The following VAV3 variants were observed in gnomAD, a reference collection of about 807,000 sequenced individuals.
VAV3 encodes the protein vav guanine nucleotide exchange factor 3.
Under a neutral mutation model 131.2 loss-of-function variants are expected in VAV3, and 94 were observed. The ratio of observed to expected loss-of-function variants is 0.72; its 90% CI spans 0.61 to 0.85. The LOEUF (loss-of-function observed/expected upper bound fraction) is 0.85. VAV3 is among the 40% of genes least tolerant of loss of function. The pLI is 0.00. For synonymous variants in VAV3, 349 were observed against 342.0 expected, an observed-to-expected ratio of 1.02 and a Z score of -0.22; for missense variants, 939 against 1,002.7, an observed-to-expected ratio of 0.94 and a Z score of 0.86.
At chr1:107,731,136 TA>T (rs1284088540) in intron 15 of VAV3, among the ~76,000 whole-genome samples, 1 of 152,194 alleles carries the variant, frequency 6.6e-6, no homozygotes, top group Non-Finnish European at 1.5e-5. Flanking sequence ...ATTAAAGTAT[TA>T]AAATCTGAAG....
intron 2 of VAV3, among the ~76,000 whole-genome samples, chr1:107,870,378 T>C (rs944382329): frequency 6.6e-5 from 10 of 152,202 alleles, no homozygotes; most frequent in African/African-American, 2.2e-4. Flanking sequence ...TGCATTTCCC[T>C]GATCATTAGT....
intron 17 of VAV3, among the ~76,000 whole-genome samples, chr1:107,704,284 T>C (rs993729570): frequency 2.6e-5 from 4 of 152,170 alleles, no homozygotes; most frequent in African/African-American, 9.7e-5. Context: ...AAGAAATGAG[T>C]GACATGAAAC....
Position 107,704,623 on chromosome 1 carries a change from A to G in VAV3, c.1632T>C (p.Cys544=). 1 of 1,613,864 alleles carries G rather than the reference A, an allele frequency of 6.2e-7. No individual in the cohort carries two copies. The highest frequency in any genetic ancestry group is 1.6e-4 in the Middle Eastern group (1 of 6,062). ...LRGTFYQGYL[C]FKCGARAHKE... ...TGTGTGCTCTCGCTCCACACTTAAA[A>G]CATAAATAGCCTTGATAAAATGTTC... Residue 544 remains cysteine (C), a synonymous_variant, in exon 17 of 27, where the codon TGT becomes TGC. Transcript: ENST00000370056.
intron 20 of VAV3, among the ~76,000 whole-genome samples, chr1:107,629,257 A>G (rs1256495948): frequency 6.6e-6 from 1 of 152,220 alleles, no homozygotes; most frequent in Non-Finnish European, 1.5e-5. Flanking sequence ...GAAACCATAG[A>G]TGACATGGCT....
At chr1:107,634,125 A>G (rs908175048) in intron 20 of VAV3, among the ~76,000 whole-genome samples, 10 of 152,170 alleles carry the variant, frequency 6.6e-5, no homozygotes. Flanking sequence ...AAACTACTTT[A>G]AAGCTCATAT....
At chr1:107,636,284 A>C (rs1207786080) in intron 20 of VAV3, among the ~76,000 whole-genome samples, 1 of 152,134 alleles carries the variant, frequency 6.6e-6, no homozygotes, top group Non-Finnish European at 1.5e-5. Context: ...TAGAATAGAA[A>C]CTCCACAGTG....
At chr1:107,866,443 C>G (rs1043862755) in intron 2 of VAV3, among the ~76,000 whole-genome samples, 3 of 151,984 alleles carry the variant, frequency 2.0e-5, no homozygotes, top group East Asian at 1.9e-4. Context: ...AAACTGATGG[C>G]AAGAAAACAC....
At chr1:107,785,665 T>C (rs1455667433) in intron 2 of VAV3, 32 of 1,112,052 alleles carry the variant, frequency 2.9e-5, no homozygotes, top group Non-Finnish European at 1.4e-5. Context: ...GGAGAAAAAC[T>C]TGGGCCCCAG....
At chr1:107,680,385 C>A (rs1450760877) in intron 19 of VAV3, among the ~76,000 whole-genome samples, 1 of 152,064 alleles carries the variant, frequency 6.6e-6, no homozygotes, top group African/African-American at 2.4e-5. Flanking sequence ...ACATAAAATT[C>A]AGGGTCTATT....
chr1:107,690,892 T>G (rs1226372874), intron 17 of VAV3, among the ~76,000 whole-genome samples: 1 of 152,186 alleles, frequency 6.6e-6, no homozygotes. Context: ...TAGAGCTGTT[T>G]GCACTCTGAT....
At chr1:107,905,730 A>T (rs948977020) in intron 1 of VAV3, among the ~76,000 whole-genome samples, 7 of 152,246 alleles carry the variant, frequency 4.6e-5, no homozygotes, top group Non-Finnish European at 1.0e-4. Flanking sequence ...CATTTCAGAT[A>T]ATTAAGTTTT....
chr1:107,606,681 C>T lies in VAV3; in HGVS notation c.2015+3250G>A, dbSNP rs569567900. On this transcript the variant is annotated intron_variant, in intron 22 of 26. Coordinates refer to ENST00000370056, the MANE Select transcript of VAV3 (RefSeq NM_006113.5). Reference sequence around the variant, plus strand: ...TATAATATTTAACTTATAAGAGCTCCTTTTTATTTTGACTGTTTTCTAAAA... The same window carrying T: ...TATAATATTTAACTTATAAGAGCTCTTTTTTATTTTGACTGTTTTCTAAAA... Among the ~76,000 whole-genome samples, 39 of 151,856 alleles carry T rather than the reference C, an allele frequency of 2.6e-4. 1 individual carries two copies. In the South Asian group the frequency reaches 8.1e-3, roughly 32 times the overall value.
rs572795705 is a variant in VAV3, at chr1:107,571,372, T to C, written c.*1959A>G. On this transcript the variant is annotated 3_prime_UTR_variant, in exon 27 of 27. Transcript: ENST00000370056. ...GTATTAAACGTGGACAAAGATGTAA[T>C]TGGTAATGTCACAAAAAGGGGCTCC... 1.3e-5 allele frequency: 2 copies of C among 152,730 alleles called. No homozygotes were observed. Among genetic ancestry groups the C allele is most frequent in the South Asian group, 2.1e-4 (1 of 4,822 alleles). 9.5% of individuals were successfully genotyped at this position (152,730 alleles called of 1,614,324 possible). A position where few individuals can be genotyped will look rare whatever the true frequency, so the allele number is the denominator to read the frequency against.
chr1:107,775,570 T>A (rs1570936240), intron 4 of VAV3, among the ~76,000 whole-genome samples: 1 of 79,884 alleles, frequency 1.3e-5, no homozygotes. Flanking sequence ...AGAGCAAGAC[T>A]CAGTCACAAA....
At chr1:107,960,632 TCTTTCCCACA>T (rs1349100868) in intron 1 of VAV3, among the ~76,000 whole-genome samples, 3 of 152,122 alleles carry the variant, frequency 2.0e-5, no homozygotes, top group Non-Finnish European at 2.9e-5. Context: ...CGTTTCCCAC[TCTTTCCCACA>T]CTCACTCTCC....
intron 2 of VAV3, among the ~76,000 whole-genome samples, chr1:107,834,730 T>C (rs768737620): frequency 6.6e-6 from 1 of 151,022 alleles, no homozygotes; most frequent in South Asian, 2.1e-4. Context: ...TGAGAGTCAA[T>C]AGAGAGGCAA....
At chr1:107,858,583 T>C (rs76762105) in intron 2 of VAV3, among the ~76,000 whole-genome samples, 1,956 of 152,266 alleles carry the variant, frequency 0.013, 32 homozygotes, top group African/African-American at 0.045. Context: ...CATAGAAGCA[T>C]GAAGCCTACT....
At chr1:107,719,216 T>G (rs930253142) in intron 15 of VAV3, among the ~76,000 whole-genome samples, 2 of 152,150 alleles carry the variant, frequency 1.3e-5, no homozygotes, top group Non-Finnish European at 2.9e-5. Flanking sequence ...TGGGATCTAA[T>G]TAAACTAAAG....
At position 107,779,445 on chromosome 1, in the gene VAV3, G is replaced by A. The variant is rs766091058; in HGVS notation, c.369C>T (p.Ala123=). 2 of 1,589,494 alleles carry A rather than the reference G, an allele frequency of 1.3e-6. No individual in the cohort carries two copies. Among genetic ancestry groups the A allele is most frequent in the Non-Finnish European group, 1.7e-6 (2 of 1,167,780 alleles). ...AAAACAGAGCTTACCTGATTCCTGT[G>A]GCCAATGCTATAGGTGTTCGAGAAA... ...SRLSRTPIAL[A]TGIRPFPTEE... is the part of the protein sequence containing the mutation. Residue 123 remains alanine (A), a synonymous_variant, in exon 3 of 27, where the codon GCC becomes GCT. Transcript: ENST00000370056.
Sources: allele counts gnomAD v4.1 joint callset (sites outside exome capture counted in the v4.1 genomes callset), GRCh38; gene constraint gnomAD v4.1.1; transcripts MANE v1.5; gene names NCBI Gene and HGNC (gene_info 2026-07-23, HGNC 2026-07-21).